ALG3: variants seen among roughly 807,000 people sequenced by gnomAD.
ALG3 encodes ALG3 alpha-1,3- mannosyltransferase.
Under a neutral mutation model 50.5 loss-of-function variants are expected in ALG3, and 39 were observed. The observed-to-expected ratio is 0.77, with a 90% CI of 0.60 to 1.01. ALG3 has a LOEUF of 1.01. Among genes scored for constraint, ALG3 ranks in the 50% least tolerant of loss-of-function variants. ALG3 has a pLI of 0.00. For missense variants in ALG3, 520 were observed against 554.8 expected, an observed-to-expected ratio of 0.94 and a Z score of 0.63; for synonymous variants, 252 against 237.2, an observed-to-expected ratio of 1.06 and a Z score of -0.58.
In ALG3 at chr3:184,245,631, A is replaced by C; in HGVS notation, c.297-16T>G. The C allele has an allele frequency of 6.2e-7, 1 of 1,612,266 alleles. No homozygotes were observed. The highest frequency in any genetic ancestry group is 1.3e-5 in the African/African-American group (1 of 75,004). On this transcript the variant is annotated splice_polypyrimidine_tract_variant and intron_variant, in intron 2 of 8. Transcript: ENST00000397676. ...AGCTGGGTACCTGGAAGATGAGAGA[A>C]AATGTGAGCCTGGGTCAGGTCACAC...
intron 1 of ALG3, among the ~76,000 whole-genome samples, chr3:184,248,034 T>TC (rs1340593683): frequency 6.7e-6 from 1 of 149,018 alleles, no homozygotes; most frequent in African/African-American, 2.5e-5. Context: ...TTTTTTTTTT[T>TC]CAGTAGAGAC....
At position 184,242,908 on chromosome 3, in the gene ALG3, G is replaced by C; in HGVS notation, c.1059C>G (p.Ser353Arg). The change falls in exon 8 of 9, where the codon AGC (serine) becomes AGG (arginine). Residue 353 changes from serine (S) to arginine (R), a missense_variant. Ser to Arg is a moderately radical substitution (Grantham distance 110). Coordinates refer to ENST00000397676, the MANE Select transcript of ALG3 (RefSeq NM_005787.6). ...CGTAGAACTGGTAGTGGAGGGAGCG[G>C]CTGAAGCAGATGCCAATGAAGTTGG... ...FTSNFIGICF[S>R]RSLHYQFYVW... 6.2e-7 allele frequency: 1 copy of C among 1,613,846 alleles called. No individual in the cohort carries two copies. Among genetic ancestry groups the C allele is most frequent in the Non-Finnish European group, 8.5e-7 (1 of 1,179,884 alleles).
Position 184,242,479 on chromosome 3 carries a change from G to C in ALG3, c.*35C>G, listed in dbSNP as rs1470877636. 1 of 1,605,704 alleles carries C rather than the reference G, an allele frequency of 6.2e-7. No individual in the cohort carries two copies. Among genetic ancestry groups the C allele is most frequent in the East Asian group, 2.2e-5 (1 of 44,696 alleles). ...GAGTCCAACCAACCCCAGGTCCTGA[G>C]GGTAGACTCAGGTCCTGAGGGAAAG... On this transcript the variant is annotated 3_prime_UTR_variant, in exon 9 of 9. Transcript: ENST00000397676.
chr3:184,244,665 A>C lies in ALG3; in HGVS notation c.662T>G (p.Leu221Arg). The stretch of plus-strand genomic sequence containing the variant: ...ACGGAAGCCAAACTGTGTGAGGAGA[A>C]GAAACAGTAACCCAGGGGCGAAGAG... ...VLLFAPGLLF[L>R]LLTQFGFRGA... Residue 221 changes from leucine to arginine, a missense_variant, in exon 5 of 9, where the codon CTT becomes CGT. By Grantham distance (102) the Leu-to-Arg change is moderately radical. Coordinates refer to ENST00000397676, the MANE Select transcript of ALG3 (RefSeq NM_005787.6). The C allele has an allele frequency of 6.2e-7, 1 of 1,611,050 alleles. No homozygotes were observed. Among genetic ancestry groups the C allele is most frequent in the Non-Finnish European group, 8.5e-7 (1 of 1,178,768 alleles).
chr3:184,249,167 C>A, upstream of ALG3: 2 of 1,574,204 alleles, frequency 1.3e-6, no homozygotes, highest in Non-Finnish European at 1.7e-6. Context: ...TATACCCAGC[C>A]CTGGGTACAC....
rs1365009219 is a variant in ALG3, at chr3:184,243,625, C to T, written c.938G>A (p.Gly313Glu). The change falls in exon 7 of 9, where the codon GGG (glycine) becomes GAG (glutamate). Residue 313 changes from glycine to glutamate, a missense_variant. Gly to Glu is a moderately conservative substitution (Grantham distance 98). Coordinates refer to ENST00000397676, the MANE Select transcript of ALG3 (RefSeq NM_005787.6). ...CCTCAGCAGCGACAAGATACTTTCC[C>T]CTGTCCTGGAGAAAAGCCATTCAGA... ...LFALCRWHRT[G>E]ESILSLLRDP... 8.1e-6 allele frequency: 13 copies of T among 1,613,870 alleles called. No homozygotes were observed. In the East Asian group the frequency reaches 2.7e-4, roughly 33 times the overall value.
chr3:184,248,893 C>T lies in ALG3; in HGVS notation c.48G>A (p.Gln16=). Residue 16 remains glutamine, a synonymous_variant, in exon 1 of 9, where the codon CAG becomes CAA. Coordinates refer to ENST00000397676, the MANE Select transcript of ALG3 (RefSeq NM_005787.6). The part of the protein sequence containing the change: ...RKRGRSGSAA[Q]AEGLCKQWLQ... ...GCCATTGCTTGCAGAGTCCCTCTGC[C>T]TGGGCCGCGGAACCGGACCGGCCGC... is the stretch of plus-strand genomic sequence containing the variant. 6.2e-7 allele frequency: 1 copy of T among 1,602,578 alleles called. No homozygotes were observed. Among genetic ancestry groups the T allele is most frequent in the East Asian group, 2.3e-5 (1 of 44,440 alleles).
intron 1 of ALG3, 25 bp downstream of exon 1, chr3:184,248,720 C>CAACCCA: frequency 1.4e-6 from 2 of 1,418,374 alleles, no homozygotes; most frequent in Non-Finnish European, 1.9e-6. Flanking sequence ...CCTCCCTCCC[C>CAACCCA]TCCCCTCCCC....
At chr3:184,249,432 A>AC (rs1719402712), upstream of ALG3, 2 of 890,522 alleles carry the variant, frequency 2.2e-6, no homozygotes, top group Non-Finnish European at 3.4e-6. Context: ...GAGAGGACGC[A>AC]GTGATGAGCC....
At chr3:184,244,133 A>G in intron 5 of ALG3, 137 bp from the exon 6 acceptor site, 1 of 895,504 alleles carries the variant, frequency 1.1e-6, no homozygotes. Flanking sequence ...TAGCAGGAAA[A>G]CCACGTTCCC....
chr3:184,249,322 G>A (rs1326848218), upstream of ALG3: 4 of 1,577,470 alleles, frequency 2.5e-6, no homozygotes, highest in Middle Eastern at 1.7e-4. Flanking sequence ...CCCTGTTCGC[G>A]CCCCTCCTGC....
At chr3:184,244,457 C>A (rs1719017253) in intron 5 of ALG3, 144 bp downstream of exon 5, 2 of 1,000,622 alleles carry the variant, frequency 2.0e-6, no homozygotes, top group Non-Finnish European at 1.4e-6. Context: ...ATGGAAACTA[C>A]AGCCTAGCGA....
chr3:184,245,400 G>A (rs1719078862), intron 3 of ALG3, 42 bp from the exon 4 acceptor site: 1 of 1,613,266 alleles, frequency 6.2e-7, no homozygotes, highest in African/African-American at 1.3e-5. Flanking sequence ...AGCTCAGCAA[G>A]CCTGAGCCAT....
chr3:184,248,948 G>C lies in ALG3; in HGVS notation c.-8C>G. ...CCGCAGCCCAGCCGCCATCTTAACG[G>C]TGCGCCGCTTGTGTGGGCCCACCAC... On this transcript the variant is annotated 5_prime_UTR_variant, in exon 1 of 9. Coordinates refer to ENST00000397676, the MANE Select transcript of ALG3 (RefSeq NM_005787.6). 1.3e-6 allele frequency: 2 copies of C among 1,571,916 alleles called. No individual in the cohort carries two copies. Among genetic ancestry groups the C allele is most frequent in the African/African-American group, 1.3e-5 (1 of 74,286 alleles).
chr3:184,244,715 T>G lies in ALG3; in HGVS notation c.612A>C (p.Ala204=). 6.2e-7 allele frequency: 1 copy of G among 1,609,410 alleles called. No individual in the cohort carries two copies. Among genetic ancestry groups the G allele is most frequent in the Non-Finnish European group, 8.5e-7 (1 of 1,178,244 alleles). Residue 204 remains alanine, a synonymous_variant, in exon 5 of 9, where the codon GCA becomes GCC. Coordinates refer to ENST00000397676, the MANE Select transcript of ALG3 (RefSeq NM_005787.6). ...GCAGCACATTCATCTTCACAGAGACTGCCAGGCTGGGGTGAGCAGGGGAGA... is the reference window on the plus strand; with the variant it reads ...GCAGCACATTCATCTTCACAGAGACGGCCAGGCTGGGGTGAGCAGGGGAGA... ...WGWGCCFFSL[A]VSVKMNVLLF...
In ALG3 at chr3:184,242,898, G is replaced by A; in HGVS notation, c.1069C>T (p.His357Tyr). The change falls in exon 8 of 9, where the codon CAC becomes TAC. Residue 357 changes from histidine (H) to tyrosine (Y), a missense_variant. This residue lies in a region of ALG3 where 224 missense variants were observed against 272.8 expected (regional missense o/e 0.82). Transcript: ENST00000397676. Reference protein sequence around the residue: ...FIGICFSRSLHYQFYVWYFHT... With the variant: ...FIGICFSRSLYYQFYVWYFHT... ...AAATACCAGACGTAGAACTGGTAGT[G>A]GAGGGAGCGGCTGAAGCAGATGCCA... 6.2e-7 allele frequency: 1 copy of A among 1,613,886 alleles called. No homozygotes were observed. The highest frequency in any genetic ancestry group is 1.1e-5 in the South Asian group (1 of 91,092).
chr3:184,242,647 G>C lies in ALG3; in HGVS notation c.1184C>G (p.Ser395Cys). The part of the protein sequence containing the change: ...RLLVLGLIEL[S>C]WNTYPSTSCS... Reference sequence around the variant, plus strand: ...GGATGTGGAAGGGTATGTGTTCCAGGAGAGCTCGATGAGCCCCAGCACCAA... The same window carrying C: ...GGATGTGGAAGGGTATGTGTTCCAGCAGAGCTCGATGAGCCCCAGCACCAA... The change falls in exon 9 of 9, where the codon TCC (serine) becomes TGC (cysteine). Residue 395 changes from serine (S) to cysteine (C), a missense_variant. Ser to Cys is a moderately radical substitution (Grantham distance 112, BLOSUM62 -1). Transcript: ENST00000397676. 1 of 1,564,006 alleles carries C rather than the reference G, an allele frequency of 6.4e-7. No homozygotes were observed. The highest frequency in any genetic ancestry group is 8.7e-7 in the Non-Finnish European group (1 of 1,151,936).
rs776497657 is a variant in ALG3 at position 184,248,891 on chromosome 3, G to C, written c.50C>G (p.Ala17Gly). 47 of 1,602,794 alleles carry C rather than the reference G, an allele frequency of 2.9e-5. No individual in the cohort carries two copies. Among genetic ancestry groups the C allele is most frequent in the Non-Finnish European group, 3.8e-5 (45 of 1,175,270 alleles). Residue 17 changes from alanine to glycine, a missense_variant, in exon 1 of 9, where the codon GCA (alanine) becomes GGA (glycine). Ala to Gly is a moderately conservative substitution (Grantham distance 60). This residue lies in a region of ALG3 where 290 missense variants were observed against 265.9 expected (regional missense o/e 1.09). Transcript: ENST00000397676. ...CAGCCATTGCTTGCAGAGTCCCTCT[G>C]CCTGGGCCGCGGAACCGGACCGGCC... ...KRGRSGSAAQ[A>G]EGLCKQWLQR...
In ALG3 at chr3:184,245,524, C is replaced by T; in HGVS notation, c.388G>A (p.Val130Met). 1 of 1,613,984 alleles carries T rather than the reference C, an allele frequency of 6.2e-7. No homozygotes were observed. ...DIRMAQNIFA[V>M]LYLATLLLVF... ...AGCAGCAAGGTAGCCAGGTAGAGCA[C>T]AGCAAAGATGTTCTGGGCCATGCGG... Residue 130 changes from valine (V) to methionine (M), a missense_variant, in exon 3 of 9, where the codon GTG becomes ATG. Val to Met is a conservative substitution (Grantham distance 21, BLOSUM62 1). Around this residue, in one of 3 missense-constraint regions of ALG3, gnomAD observed 290 missense variants for 265.9 expected, o/e 1.09. Coordinates refer to ENST00000397676, the MANE Select transcript of ALG3 (RefSeq NM_005787.6).
Sources: allele counts gnomAD v4.1 joint callset (sites outside exome capture counted in the v4.1 genomes callset), GRCh38; gene constraint gnomAD v4.1.1; regional missense constraint gnomAD v4.1.1; transcripts MANE v1.5; gene names NCBI Gene and HGNC (gene_info 2026-07-23, HGNC 2026-07-21).